The following HECTD4 variants were observed in gnomAD, a reference collection of about 807,000 sequenced individuals.
HECTD4 encodes the protein HECT domain E3 ubiquitin protein ligase 4, also known as probable E3 ubiquitin-protein ligase HECTD4.
A neutral mutation model predicts 471.5 loss-of-function variants in HECTD4; 114 were observed. That is an observed-to-expected ratio of 0.24 (90% CI 0.21 to 0.28). The LOEUF is 0.28. Among genes scored for constraint, HECTD4 ranks in the 10% least tolerant of loss-of-function variants. The pLI, the probability that HECTD4 is intolerant of heterozygous loss-of-function variation, is 1.00. For missense variants in HECTD4, 3,866 were observed against 5,651.5 expected (o/e 0.68, Z 10.13); for synonymous variants, 2,012 against 2,256.0 (o/e 0.89, Z 3.07).
At chr12:112,311,049 GTCAGGAGT>G (rs1215158196) in intron 4 of HECTD4, among the ~76,000 whole-genome samples, 1 of 152,180 alleles carries the variant, frequency 6.6e-6, no homozygotes, top group East Asian at 1.9e-4. Context: ...ATCACCTGAG[GTCAGGAGT>G]TCAAGACCAG....
intron 1 of HECTD4, among the ~76,000 whole-genome samples, chr12:112,374,383 A>G (rs2036740794): frequency 6.6e-6 from 1 of 152,220 alleles, no homozygotes; most frequent in Non-Finnish European, 1.5e-5. Flanking sequence ...GCAAGCAAGG[A>G]GCAGAGCTAG....
In HECTD4 at chr12:112,167,408, CAGA is replaced by C. The variant is rs759649130; in HGVS notation, c.12440_12442del (p.Phe4147del). On this transcript the variant is annotated inframe_deletion, in exon 72 of 76. Transcript: ENST00000682272. ...CAAGGGCTCGCCCACCAGCGTCTTC[CAGA>C]AGGAGGGCAGGAGGTCCAGGGGCAG... The C allele has an allele frequency of 1.2e-6, 2 of 1,613,754 alleles. No individual in the cohort carries two copies. Among genetic ancestry groups the C allele is most frequent in the African/African-American group, 2.7e-5 (2 of 74,942 alleles).
intron 52 of HECTD4, among the ~76,000 whole-genome samples, chr12:112,207,112 G>A (rs192230632): frequency 7.0e-6 from 1 of 143,076 alleles, no homozygotes; most frequent in African/African-American, 2.8e-5. Context: ...GTATATGTGT[G>A]TGTGTGTATG....
chr12:112,376,665 C>T (rs575385568), intron 1 of HECTD4, among the ~76,000 whole-genome samples: 3 of 152,210 alleles, frequency 2.0e-5, no homozygotes, highest in African/African-American at 4.8e-5. Context: ...TGGGCTCAGA[C>T]CTCCAAATAT....
At position 112,167,410 on chromosome 12, in the gene HECTD4, G is replaced by A; in HGVS notation, c.12441C>T (p.Phe4147=). Residue 4147 remains phenylalanine (F), a synonymous_variant, in exon 72 of 76, where the codon TTC becomes TTT. Coordinates refer to ENST00000682272, the MANE Select transcript of HECTD4 (RefSeq NM_001388303.1). ...AGGGCTCGCCCACCAGCGTCTTCCA[G>A]AAGGAGGGCAGGAGGTCCAGGGGCA... ...VPLPLDLLPS[F]WKTLVGEPLD... is the part of the protein sequence containing the mutation. The A allele has an allele frequency of 6.2e-7, 1 of 1,613,874 alleles. No individual in the cohort carries two copies. Among genetic ancestry groups the A allele is most frequent in the South Asian group, 1.1e-5 (1 of 91,086 alleles).
At chr12:112,245,059 G>A (rs1445486565) in intron 29 of HECTD4, among the ~76,000 whole-genome samples, 1 of 152,186 alleles carries the variant, frequency 6.6e-6, no homozygotes, top group Admixed American at 6.5e-5. Context: ...CTGAAGAGCA[G>A]TGCTGCAATC....
chr12:112,168,090 T>C (rs781282023), intron 70 of HECTD4, among the ~76,000 whole-genome samples, 173 bp from the exon 71 acceptor site: 1 of 152,160 alleles, frequency 6.6e-6, no homozygotes, highest in Non-Finnish European at 1.5e-5. Flanking sequence ...CCAATCCTGC[T>C]CTCCACTCAC....
At chr12:112,258,679 CTT>C (rs538914467) in intron 19 of HECTD4, 83 bp from the exon 20 acceptor site, 853 of 1,059,202 alleles carry the variant, frequency 8.1e-4, no homozygotes, top group Non-Finnish European at 1.1e-3. Context: ...AGAGGTCTCT[CTT>C]AAATCATCTT....
At chr12:112,270,507 G>C (rs774868608) in intron 11 of HECTD4, 48 bp from the exon 12 acceptor site, 1 of 1,454,590 alleles carries the variant, frequency 6.9e-7, no homozygotes, top group East Asian at 2.3e-5. Flanking sequence ...CTCTATGGGT[G>C]GTCCCCAAAG....
Position 112,313,134 on chromosome 12 carries a change from C to G in HECTD4, c.799G>C (p.Glu267Gln), listed in dbSNP as rs951564505. The stretch of plus-strand genomic sequence containing the variant: ...CAGGAGGGAGATCCAGGCCCCCCTT[C>G]CAAAAGCAACAGCCTATATGGGGGA... ...ADVLYRLLLL[E>Q]GGPGSPSCLL... Residue 267 changes from glutamate to glutamine, a missense_variant, in exon 4 of 76, where the codon GAA (glutamate) becomes CAA (glutamine). Around this residue, in one of 16 missense-constraint regions of HECTD4, gnomAD observed 440 missense variants for 636.0 expected, o/e 0.69. Transcript: ENST00000682272. 7.2e-6 allele frequency: 11 copies of G among 1,535,160 alleles called. No homozygotes were observed. The African/African-American group carries it at 9.6e-5, about 13-fold the overall frequency.
intron 32 of HECTD4, among the ~76,000 whole-genome samples, chr12:112,241,522 T>C (rs755593254): frequency 2.0e-5 from 3 of 152,192 alleles, no homozygotes; most frequent in Non-Finnish European, 4.4e-5. Flanking sequence ...TGCAGGGTGG[T>C]GCGATCACAG....
At position 112,184,259 on chromosome 12, in the gene HECTD4, G is replaced by A; in HGVS notation, c.10707C>T (p.Ser3569=). ...TGTCCAGGGAAGTGACTGTGTACATGGAGCCCATGTCCGACACCGAGGCCG... is the reference window on the plus strand; with the variant it reads ...TGTCCAGGGAAGTGACTGTGTACATAGAGCCCATGTCCGACACCGAGGCCG... The part of the protein sequence containing the change: ...AETASVSDMG[S]MYTVTSLDNQ... The change falls in exon 61 of 76, where the codon TCC becomes TCT. Residue 3569 remains serine (S), a synonymous_variant. Coordinates refer to ENST00000682272, the MANE Select transcript of HECTD4 (RefSeq NM_001388303.1). The surrounding 1 kb of genome is among the most constrained non-coding windows in gnomAD (Gnocchi z 9.1). 6.2e-7 allele frequency: 1 copy of A among 1,613,600 alleles called. No homozygotes were observed. The highest frequency in any genetic ancestry group is 8.5e-7 in the Non-Finnish European group (1 of 1,179,880).
intron 7 of HECTD4, among the ~76,000 whole-genome samples, chr12:112,284,296 T>A (rs1313631138): frequency 6.6e-6 from 1 of 152,164 alleles, no homozygotes; most frequent in African/African-American, 2.4e-5. Context: ...TTTTGTCAAA[T>A]CTCTCATGGC....
chr12:112,288,010 CT>C (rs770466095), intron 7 of HECTD4, among the ~76,000 whole-genome samples: 212 of 143,894 alleles, frequency 1.5e-3, no homozygotes, highest in Non-Finnish European at 1.5e-3. Flanking sequence ...GGTCAGATGA[CT>C]TTTTTTTTTT....
intron 19 of HECTD4, 115 bp downstream of exon 19, chr12:112,258,997 C>T: frequency 2.3e-6 from 2 of 867,184 alleles, no homozygotes; most frequent in African/African-American, 1.7e-5. Context: ...TCATTATTTC[C>T]CTTGGTTTCT....
intron 20 of HECTD4, among the ~76,000 whole-genome samples, chr12:112,257,463 AC>A (rs962245974): frequency 8.5e-5 from 13 of 152,212 alleles, no homozygotes; most frequent in African/African-American, 2.9e-4. Context: ...AAAACATACA[AC>A]TTGATAAGTT....
chr12:112,269,993 G>A (rs908872389), intron 12 of HECTD4, 144 bp from the exon 13 acceptor site: 30 of 753,472 alleles, frequency 4.0e-5, no homozygotes, highest in African/African-American at 3.6e-4. Flanking sequence ...ACTGTGTAAC[G>A]GTATAATTAT....
At chr12:112,258,728 G>T in intron 19 of HECTD4, 132 bp from the exon 20 acceptor site, 1 of 678,070 alleles carries the variant, frequency 1.5e-6, no homozygotes, top group Non-Finnish European at 2.4e-6. Context: ...ATTAAGAAAT[G>T]CTGTGCTACT....
At chr12:112,282,975 A>G in intron 8 of HECTD4, 135 bp downstream of exon 8, 1 of 587,502 alleles carries the variant, frequency 1.7e-6, no homozygotes, top group Non-Finnish European at 2.8e-6. Flanking sequence ...AAAAAGCTGG[A>G]CAATGACTGG....
Sources: allele counts gnomAD v4.1 joint callset (sites outside exome capture counted in the v4.1 genomes callset), GRCh38; gene constraint gnomAD v4.1.1; regional missense constraint gnomAD v4.1.1; non-coding constraint Gnocchi (gnomAD v3.1); transcripts MANE v1.5; gene names NCBI Gene and HGNC (gene_info 2026-07-23, HGNC 2026-07-21).